MAGI1: variants seen among roughly 807,000 people sequenced by gnomAD.
The protein encoded by MAGI1 is membrane associated guanylate kinase, WW and PDZ domain containing 1.
MAGI1 carries 58 observed loss-of-function variants against 139.9 expected under a neutral mutation model. The ratio of observed to expected loss-of-function variants is 0.41; its 90% CI spans 0.34 to 0.52. The LOEUF is 0.52. Ranked by LOEUF, MAGI1 falls within the 20% of genes least tolerant of loss-of-function variation. MAGI1 has a pLI of 0.12. For missense variants in MAGI1, 1,874 were observed against 1,901.6 expected (o/e 0.99, Z 0.27); for synonymous variants, 812 against 737.9 (o/e 1.10, Z -1.63).
intron 9 of MAGI1, 116 bp from the exon 10 acceptor site, chr3:65,437,363 G>A: frequency 2.0e-6 from 1 of 510,118 alleles, no homozygotes; most frequent in Non-Finnish European, 3.3e-6. Flanking sequence ...AGATAGCTTA[G>A]ATTAAAAAGA....
chr3:66,033,574 A>T (rs2068758615), intron 1 of MAGI1, among the ~76,000 whole-genome samples: 3 of 152,240 alleles, frequency 2.0e-5, no homozygotes, highest in African/African-American at 4.8e-5. Context: ...TTATTGTCAT[A>T]CATTCCAATG....
intron 1 of MAGI1, among the ~76,000 whole-genome samples, chr3:66,022,927 G>A (rs1385372330): frequency 3.3e-5 from 5 of 152,172 alleles, no homozygotes; most frequent in African/African-American, 7.2e-5. Context: ...TAACAAAGAC[G>A]AAAGCACAGA....
chr3:65,456,397 C>T (rs183587456), intron 5 of MAGI1, among the ~76,000 whole-genome samples: 43 of 151,376 alleles, frequency 2.8e-4, no homozygotes, highest in Admixed American at 2.2e-3. Context: ...TTTTTCACTC[C>T]GGAGTTTTGA....
intron 2 of MAGI1, among the ~76,000 whole-genome samples, chr3:65,553,542 ACCTGTGCCTGACCAGAAT>A (rs1383288966): frequency 1.3e-5 from 2 of 152,228 alleles, no homozygotes; most frequent in East Asian, 3.9e-4. Context: ...GTGATGAGAT[ACCTGTGCCTGACCAGAAT>A]CCTGACATCA....
chr3:65,627,168 G>A (rs528568547), intron 1 of MAGI1, among the ~76,000 whole-genome samples: 5 of 152,088 alleles, frequency 3.3e-5, no homozygotes, highest in Non-Finnish European at 7.4e-5. Context: ...TGTTACAAAT[G>A]CCTACAGTAT....
intron 1 of MAGI1, among the ~76,000 whole-genome samples, chr3:65,913,407 A>C (rs1453690667): frequency 6.6e-6 from 1 of 152,106 alleles, no homozygotes; most frequent in Non-Finnish European, 1.5e-5. Flanking sequence ...AATCCAAAAC[A>C]TGGTTCAATG....
intron 1 of MAGI1, among the ~76,000 whole-genome samples, chr3:65,818,939 T>C (rs73832966): frequency 0.093 from 14,204 of 152,168 alleles, 820 homozygotes; most frequent in Admixed American, 0.18. Flanking sequence ...CTAGAAAACA[T>C]ATCTATTTAA....
intron 2 of MAGI1, among the ~76,000 whole-genome samples, chr3:65,567,231 T>C (rs141611406): frequency 1.5e-4 from 23 of 151,554 alleles, no homozygotes; most frequent in African/African-American, 5.6e-4. Context: ...ATCTTGTGAA[T>C]GTATCCACAT....
intron 1 of MAGI1, among the ~76,000 whole-genome samples, chr3:65,930,045 G>A (rs774488573): frequency 5.3e-5 from 8 of 152,100 alleles, no homozygotes; most frequent in Non-Finnish European, 8.8e-5. Flanking sequence ...GGCCGGGCGC[G>A]TTGGCTCACA....
chr3:65,405,177 G>A (rs1575629570), intron 12 of MAGI1, among the ~76,000 whole-genome samples: 1 of 152,288 alleles, frequency 6.6e-6, no homozygotes, highest in Non-Finnish European at 1.5e-5. Flanking sequence ...AGCGAGAAAA[G>A]CTTGGGACTT....
chr3:65,704,820 A>G (rs1576812109), intron 1 of MAGI1, among the ~76,000 whole-genome samples: 1 of 151,884 alleles, frequency 6.6e-6, no homozygotes, highest in East Asian at 1.9e-4. Flanking sequence ...CCTTCTTTTC[A>G]GTTATCCTCT....
At chr3:65,714,458 T>A (rs2031943335) in intron 1 of MAGI1, among the ~76,000 whole-genome samples, 1 of 152,060 alleles carries the variant, frequency 6.6e-6, no homozygotes, top group South Asian at 2.1e-4. Flanking sequence ...AATCTCCACC[T>A]GGGCCCCTTC....
intron 1 of MAGI1, among the ~76,000 whole-genome samples, chr3:65,786,319 T>C (rs1266762180): frequency 2.7e-5 from 4 of 150,420 alleles, no homozygotes; most frequent in Non-Finnish European, 5.9e-5. Context: ...ATTCTGTGTA[T>C]TGAGACCCAC....
At chr3:65,903,478 A>G (rs9840991) in intron 1 of MAGI1, among the ~76,000 whole-genome samples, 2,531 of 152,206 alleles carry the variant, frequency 0.017, 84 homozygotes, top group African/African-American at 0.057. Flanking sequence ...ATAAGAATGA[A>G]ATTTCTGACA....
At chr3:65,399,141 G>A (rs1257970260) in intron 13 of MAGI1, among the ~76,000 whole-genome samples, 1 of 152,126 alleles carries the variant, frequency 6.6e-6, no homozygotes, top group African/African-American at 2.4e-5. Flanking sequence ...CATATGCACA[G>A]AGCTATTGCC....
At chr3:65,641,250 G>A (rs934511949) in intron 1 of MAGI1, among the ~76,000 whole-genome samples, 3 of 152,132 alleles carry the variant, frequency 2.0e-5, no homozygotes, top group Non-Finnish European at 4.4e-5. Context: ...CTAACGACAA[G>A]GCATCAGCCA....
At position 65,549,465 on chromosome 3, in the gene MAGI1, G is replaced by A. The variant is rs374962120; in HGVS notation, c.431-55834C>T. 70 of 985,104 alleles carry A rather than the reference G, an allele frequency of 7.1e-5. 1 individual carries two copies. In the African/African-American group the frequency reaches 1.0e-3, roughly 14 times the overall value. 61.0% of individuals were successfully genotyped at this position (985,104 alleles called of 1,614,324 possible). ...TCGGTCACTGCCGGAGCCCAGGCGC[G>A]CGCTCGGTGGCCGCCCGCCTCATCC... On this transcript the variant is annotated intron_variant, in intron 2 of 22. Transcript: ENST00000402939.
chr3:65,776,247 C>CCT (rs33936257), intron 1 of MAGI1, among the ~76,000 whole-genome samples: 4 of 141,546 alleles, frequency 2.8e-5, no homozygotes, highest in Non-Finnish European at 6.1e-5. Flanking sequence ...AGTTGGGTTT[C>CCT]TTTTTTTTTT....
intron 1 of MAGI1, among the ~76,000 whole-genome samples, chr3:65,978,797 T>C (rs945507562): frequency 6.6e-6 from 1 of 152,006 alleles, no homozygotes; most frequent in African/African-American, 2.4e-5. Flanking sequence ...CCAGTTAATT[T>C]TGTATTTTTA....
Sources: gnomAD v4.1 joint callset for allele counts (sites outside exome capture counted in the v4.1 genomes callset) on GRCh38, gnomAD v4.1.1 for gene constraint, MANE v1.5 for transcripts, NCBI Gene and HGNC (gene_info 2026-07-23, HGNC 2026-07-21) for gene names.